The following PCDHA3 variants were observed in gnomAD, a reference collection of about 807,000 sequenced individuals.
The protein encoded by PCDHA3 is protocadherin alpha 3, also known as protocadherin alpha-3.
PCDHA3 carries 41 observed loss-of-function variants against 62.2 expected under a neutral mutation model. The ratio of observed to expected loss-of-function variants is 0.66; its 90% CI spans 0.51 to 0.86. The LOEUF (loss-of-function observed/expected upper bound fraction) is 0.86, where lower values mean the gene tolerates loss of function less well. Ranked by LOEUF, PCDHA3 falls within the 40% of genes least tolerant of loss-of-function variation. The probability of loss-of-function intolerance (pLI) is 0.00; values close to 1 mark genes in which losing one functional copy is unlikely to be tolerated. For missense variants in PCDHA3, 1,304 were observed against 1,241.2 expected (o/e 1.05, Z -0.76); for synonymous variants, 640 against 555.4 (o/e 1.15, Z -2.14).
intron 3 of PCDHA3, among the ~76,000 whole-genome samples, chr5:141,004,397 GA>G (rs2098164833): frequency 6.6e-6 from 1 of 152,188 alleles, no homozygotes; most frequent in African/African-American, 2.4e-5. Context: ...ACATGTGGAG[GA>G]GGCACCTGAC....
At chr5:140,870,239 G>C (rs781847723) in intron 1 of PCDHA3, 6 of 1,614,134 alleles carry the variant, frequency 3.7e-6, no homozygotes, top group Non-Finnish European at 4.2e-6. Flanking sequence ...CGTGACTCAG[G>C]TGTCAACGGA....
chr5:140,830,137 G>A (rs2150181719), intron 1 of PCDHA3: 44 of 1,613,174 alleles, frequency 2.7e-5, no homozygotes, highest in African/African-American at 1.2e-4. Flanking sequence ...CATCACGGGC[G>A]TCGGTGGGCG....
At chr5:140,836,046 G>A (rs2150251403) in intron 1 of PCDHA3, 3 of 1,613,572 alleles carry the variant, frequency 1.9e-6, no homozygotes, top group Admixed American at 1.7e-5. Context: ...GCAGGTGTTC[G>A]TGCTGGACGA....
Position 141,011,530 on chromosome 5 carries a change from T to A in PCDHA3, c.*1593T>A, listed in dbSNP as rs1427621980. 1 of 153,810 alleles carries A rather than the reference T, an allele frequency of 6.5e-6. No individual in the cohort carries two copies. The highest frequency in any genetic ancestry group is 1.5e-5 in the Non-Finnish European group (1 of 68,042). The allele number at this position is 153,810 out of a possible 1,614,324, so 9.5% of individuals were successfully genotyped here. A position where few individuals can be genotyped will look rare whatever the true frequency, so the allele number is the denominator to read the frequency against. On this transcript the variant is annotated 3_prime_UTR_variant, in exon 4 of 4. Coordinates refer to ENST00000522353, the MANE Select transcript of PCDHA3 (RefSeq NM_018906.3). ...TGGAGTAGTGTTTTTTTAACCATTG[T>A]TAATCAGCTTTTGTGTATGAAAGAC...
intron 1 of PCDHA3, among the ~76,000 whole-genome samples, chr5:140,975,074 G>C (rs2096653166): frequency 1.3e-5 from 2 of 152,152 alleles, no homozygotes; most frequent in South Asian, 4.1e-4. Flanking sequence ...CATTCAGATT[G>C]TTGGCAGAAT....
chr5:140,895,428 C>A (rs2065003978), intron 1 of PCDHA3, among the ~76,000 whole-genome samples: 1 of 152,154 alleles, frequency 6.6e-6, no homozygotes, highest in Non-Finnish European at 1.5e-5. Flanking sequence ...TTTGCTTCCT[C>A]CTGAGACTCT....
intron 1 of PCDHA3, among the ~76,000 whole-genome samples, chr5:140,960,717 TATTTTAGTCCATG>T (rs1244851083): frequency 3.3e-4 from 10 of 30,264 alleles, no homozygotes; most frequent in African/African-American, 2.5e-3. Flanking sequence ...ATACTCATCT[TATTTTAGTCCATG>T]ATTTTAGTCC....
chr5:140,966,958 G>T (rs561982676), intron 1 of PCDHA3: 4 of 1,602,380 alleles, frequency 2.5e-6, no homozygotes, highest in African/African-American at 2.7e-5. Context: ...TGGCTCGCGC[G>T]CTGGGGCTTG....
chr5:140,826,841 G>A (rs1217681651), intron 1 of PCDHA3, among the ~76,000 whole-genome samples: 1 of 152,138 alleles, frequency 6.6e-6, no homozygotes, highest in Non-Finnish European at 1.5e-5. Flanking sequence ...AGTTTCTCAA[G>A]TGTCTTGCAA....
chr5:140,877,908 T>G (rs1554170220), intron 1 of PCDHA3: 2 of 1,433,428 alleles, frequency 1.4e-6, no homozygotes, highest in East Asian at 2.5e-5. Context: ...ATAACTACAT[T>G]CTCTCATTTT....
At chr5:140,941,042 T>C (rs532611705) in intron 1 of PCDHA3, among the ~76,000 whole-genome samples, 11 of 152,310 alleles carry the variant, frequency 7.2e-5, no homozygotes, top group African/African-American at 2.2e-4. Context: ...TGGTGCCAAG[T>C]CAAATTCCCC....
chr5:140,902,207 T>C (rs949937318), intron 1 of PCDHA3, among the ~76,000 whole-genome samples: 8 of 148,564 alleles, frequency 5.4e-5, no homozygotes, highest in South Asian at 4.3e-4. Flanking sequence ...CTCTTTCTTT[T>C]TTTTTTTTTT....
At position 140,978,807 on chromosome 5, in the gene PCDHA3, A is replaced by G. The variant is rs1489269679; in HGVS notation, c.2395-142A>G. 3.3e-6 allele frequency: 5 copies of G among 1,494,726 alleles called. No individual in the cohort carries two copies. In the African/African-American group the frequency reaches 4.2e-5, roughly 12 times the overall value. The allele number at this position is 1,494,726 out of a possible 1,614,324, so 92.6% of individuals were successfully genotyped here. A position where few individuals can be genotyped will look rare whatever the true frequency, so the allele number is the denominator to read the frequency against. ...AAGTGCTATATATGTAGATATCATC[A>G]TAGAGTTACACATGAAATGGCTCAT... On this transcript the variant is annotated intron_variant, in intron 1 of 3. Coordinates refer to ENST00000522353, the MANE Select transcript of PCDHA3 (RefSeq NM_018906.3).
rs570001791 is a variant in PCDHA3, at chr5:140,924,660, C to T, written c.2395-54289C>T. Among the ~76,000 whole-genome samples the T allele has an allele frequency of 2.5e-3, 382 of 152,090 alleles. 1 individual carries two copies. Among genetic ancestry groups the T allele is most frequent in the South Asian group, 8.9e-3 (43 of 4,822 alleles). Reference sequence around the variant, plus strand: ...CTGTAATCCCAGCACTTTGGGAGGCCGAGGCAGGCCAATCACTTGAGGTCA... The same window carrying T: ...CTGTAATCCCAGCACTTTGGGAGGCTGAGGCAGGCCAATCACTTGAGGTCA... On this transcript the variant is annotated intron_variant, in intron 1 of 3. Coordinates refer to ENST00000522353, the MANE Select transcript of PCDHA3 (RefSeq NM_018906.3).
chr5:140,840,656 A>T (rs1281424347), intron 1 of PCDHA3, among the ~76,000 whole-genome samples: 3 of 152,078 alleles, frequency 2.0e-5, no homozygotes, highest in Non-Finnish European at 4.4e-5. Flanking sequence ...TGTAAAGAAT[A>T]TGCACATACA....
rs2150251833 is a variant in PCDHA3, at chr5:140,836,067, G to A, written c.2394+32476G>A. 18 of 1,613,552 alleles carry A rather than the reference G, an allele frequency of 1.1e-5. 1 individual carries two copies. Among genetic ancestry groups the A allele is most frequent in the Non-Finnish European group, 1.4e-5 (16 of 1,179,776 alleles). On this transcript the variant is annotated intron_variant, in intron 1 of 3. Transcript: ENST00000522353. Reference sequence around the variant, plus strand: ...GTTCGTGCTGGACGAGAACGACAACGCGCCGGCACTGCTGGCGCCTCGGGT... The same window carrying A: ...GTTCGTGCTGGACGAGAACGACAACACGCCGGCACTGCTGGCGCCTCGGGT...
Position 140,884,301 on chromosome 5 carries a change from C to T in PCDHA3, c.2394+80710C>T, listed in dbSNP as rs375535055. On this transcript the variant is annotated intron_variant, in intron 1 of 3. Transcript: ENST00000522353. ...GTGGAGAGCGGCCAAGCGCCACAGG[C>T]TTCGTCGAGGGCGTCGGCAGGCGCT... 4.3e-6 allele frequency: 7 copies of T among 1,613,608 alleles called. No homozygotes were observed. The African/African-American group carries it at 8.0e-5, about 18-fold the overall frequency.
chr5:141,002,261 C>A (rs373363788), intron 3 of PCDHA3, among the ~76,000 whole-genome samples: 1 of 152,224 alleles, frequency 6.6e-6, no homozygotes, highest in East Asian at 1.9e-4. Context: ...CACTGAAATC[C>A]CAGAGCTGGT....
chr5:140,877,087 G>C lies in PCDHA3; in HGVS notation c.2394+73496G>C. On this transcript the variant is annotated intron_variant, in intron 1 of 3. Transcript: ENST00000522353. ...GCTGCAGTTCCAGGTGAGCGCGCGC[G>C]ACGCCGGCGTGCCGCCTCTGGGCAG... 2.5e-6 allele frequency: 4 copies of C among 1,613,212 alleles called. No homozygotes were observed. The South Asian group carries it at 3.3e-5, about 13-fold the overall frequency.
Sources: gnomAD v4.1 joint callset for allele counts (sites outside exome capture counted in the v4.1 genomes callset) on GRCh38, gnomAD v4.1.1 for gene constraint, MANE v1.5 for transcripts, NCBI Gene and HGNC (gene_info 2026-07-23, HGNC 2026-07-21) for gene names.